Variants in IL23R observed in about 807,000 individuals in gnomAD.
IL23R encodes the protein interleukin-23 receptor.
Under a neutral mutation model 56.9 loss-of-function variants are expected in IL23R, and 34 were observed. That is an observed-to-expected ratio of 0.60 (90% CI 0.45 to 0.80). The LOEUF (loss-of-function observed/expected upper bound fraction) is 0.80. Ranked by LOEUF, IL23R falls within the 30% of genes least tolerant of loss-of-function variation. The pLI is 0.00. For synonymous variants in IL23R, 230 were observed against 249.2 expected (o/e 0.92, Z 0.73); for missense variants, 635 against 730.0 (o/e 0.87, Z 1.50).
chr1:67,197,859 C>T (rs1426624649), intron 4 of IL23R, among the ~76,000 whole-genome samples: 1 of 151,936 alleles, frequency 6.6e-6, no homozygotes, highest in Admixed American at 6.6e-5. Flanking sequence ...CCTCCTGAGC[C>T]TGGGAGGTCA....
intron 6 of IL23R, among the ~76,000 whole-genome samples, chr1:67,218,323 CATATGT>C (rs1435649744): frequency 3.7e-5 from 4 of 108,470 alleles, no homozygotes; most frequent in African/African-American, 6.8e-5. Context: ...CACATATATG[CATATGT>C]GTGTGTGTGT....
chr1:67,193,152 C>T (rs1483343663), intron 4 of IL23R, among the ~76,000 whole-genome samples: 2 of 152,206 alleles, frequency 1.3e-5, no homozygotes, highest in Non-Finnish European at 2.9e-5. Context: ...TGCTCTTCCT[C>T]CAGAGAGCCA....
intron 3 of IL23R, 128 bp from the exon 4 acceptor site, chr1:67,182,708 C>T (rs1300658620): frequency 2.5e-5 from 24 of 941,206 alleles, no homozygotes; most frequent in East Asian, 2.1e-4. Flanking sequence ...ATGAAGAAAT[C>T]GTTCGTCTTC....
At chr1:67,204,388 C>T (rs1001403558) in intron 5 of IL23R, among the ~76,000 whole-genome samples, 1 of 152,122 alleles carries the variant, frequency 6.6e-6, no homozygotes, top group Non-Finnish European at 1.5e-5. Flanking sequence ...AATAAAAATT[C>T]AACATCTGAG....
chr1:67,246,027 G>A (rs1652197778), intron 9 of IL23R, among the ~76,000 whole-genome samples: 1 of 152,066 alleles, frequency 6.6e-6, no homozygotes, highest in Non-Finnish European at 1.5e-5. Flanking sequence ...CTTCTTCCTG[G>A]TTTAGTGTTG....
At chr1:67,210,142 A>G (rs790630) in intron 6 of IL23R, among the ~76,000 whole-genome samples, 119,966 of 152,088 alleles carry the variant, frequency 0.79, 47,748 homozygotes, top group East Asian at 0.97. Context: ...TCCGAGTAAA[A>G]ATGAGTTTAA....
At chr1:67,237,075 T>A (rs1194888230) in intron 8 of IL23R, among the ~76,000 whole-genome samples, 1 of 152,220 alleles carries the variant, frequency 6.6e-6, no homozygotes, top group African/African-American at 2.4e-5. Context: ...CGAAGCCTTG[T>A]TCTGTCACCC....
At chr1:67,228,220 GTC>G (rs1650864065) in intron 7 of IL23R, among the ~76,000 whole-genome samples, 1 of 119,136 alleles carries the variant, frequency 8.4e-6, no homozygotes, top group Admixed American at 1.0e-4. Flanking sequence ...TTTAGACAGG[GTC>G]TCTCTCTGTC....
At chr1:67,181,832 T>A (rs1181507702) in intron 3 of IL23R, among the ~76,000 whole-genome samples, 1 of 152,242 alleles carries the variant, frequency 6.6e-6, no homozygotes, top group African/African-American at 2.4e-5. Flanking sequence ...CCTTTCTGTT[T>A]GTTAGTTTTC....
intron 9 of IL23R, among the ~76,000 whole-genome samples, chr1:67,254,544 C>A (rs1194684268): frequency 1.3e-5 from 2 of 150,840 alleles, no homozygotes; most frequent in East Asian, 1.9e-4. Flanking sequence ...AAAACAACAA[C>A]AAAAAAAATG....
At chr1:67,139,775 C>A (rs1282009139) in intron 1 of IL23R, among the ~76,000 whole-genome samples, 1 of 152,042 alleles carries the variant, frequency 6.6e-6, no homozygotes, top group East Asian at 1.9e-4. Context: ...ACTCCTGGAC[C>A]CAAGGCATCC....
intron 6 of IL23R, among the ~76,000 whole-genome samples, chr1:67,210,500 T>C (rs577380085): frequency 6.6e-6 from 1 of 152,016 alleles, no homozygotes; most frequent in Non-Finnish European, 1.5e-5. Context: ...TCTCACTTCA[T>C]CACCCAGGCT....
intron 4 of IL23R, among the ~76,000 whole-genome samples, chr1:67,200,200 C>T (rs1477610986): frequency 1.3e-5 from 2 of 151,914 alleles, no homozygotes; most frequent in African/African-American, 2.4e-5. Context: ...CCACCACGCC[C>T]GGCTAATTTC....
At chr1:67,229,940 A>C (rs1488451568) in intron 7 of IL23R, among the ~76,000 whole-genome samples, 1 of 152,238 alleles carries the variant, frequency 6.6e-6, no homozygotes, top group Non-Finnish European at 1.5e-5. Flanking sequence ...TCTTAAGCAG[A>C]AAGAGAATTA....
chr1:67,187,321 C>T (rs1326322228), intron 4 of IL23R, among the ~76,000 whole-genome samples: 2 of 152,128 alleles, frequency 1.3e-5, no homozygotes, highest in Admixed American at 6.5e-5. Flanking sequence ...TCTGAGGTTC[C>T]TGATAGTAAA....
chr1:67,220,867 T>A (rs563442245), intron 7 of IL23R, among the ~76,000 whole-genome samples: 1 of 152,302 alleles, frequency 6.6e-6, no homozygotes, highest in African/African-American at 2.4e-5. Context: ...GCCTCCCAAG[T>A]GGCTCAGACT....
Position 67,258,569 on chromosome 1 carries a change from A to G in IL23R, c.1331A>G (p.Glu444Gly). Reference protein sequence around the residue: ...ITEIKEIFIPEHKPTDYKKEN... With the variant: ...ITEIKEIFIPGHKPTDYKKEN... ...GAGATAAAAGAAATCTTCATCCCAG[A>G]ACACAAGCCTACAGACTACAAGAAG... Residue 444 changes from glutamate (E) to glycine (G), a missense_variant, in exon 11 of 11, where the codon GAA (glutamate) becomes GGA (glycine). Transcript: ENST00000347310. The G allele has an allele frequency of 3.1e-6, 5 of 1,612,040 alleles. No homozygotes were observed. The highest frequency in any genetic ancestry group is 4.2e-6 in the Non-Finnish European group (5 of 1,179,294).
rs1653095104 is a variant in IL23R, at chr1:67,258,876, T to C, written c.1638T>C (p.Leu546=). ...ATTCACTAAGCAACACAATATTTCT[T>C]GGAGAATTAAGCCTCATATTAAATC... ...SVNSLSNTIF[L]GELSLILNQG... The change falls in exon 11 of 11, where the codon CTT becomes CTC. Residue 546 remains leucine, a synonymous_variant. Transcript: ENST00000347310. 1.2e-6 allele frequency: 2 copies of C among 1,613,978 alleles called. No individual in the cohort carries two copies. The highest frequency in any genetic ancestry group is 1.1e-5 in the South Asian group (1 of 91,090).
chr1:67,245,667 T>C (rs1007559147), intron 9 of IL23R, among the ~76,000 whole-genome samples: 3 of 152,312 alleles, frequency 2.0e-5, no homozygotes, highest in East Asian at 3.9e-4. Context: ...GCCAGCTTGA[T>C]TGTGGTGGAT....
Sources: gnomAD v4.1 joint callset for allele counts (sites outside exome capture counted in the v4.1 genomes callset) on GRCh38, gnomAD v4.1.1 for gene constraint, MANE v1.5 for transcripts, NCBI Gene and HGNC (gene_info 2026-07-23, HGNC 2026-07-21) for gene names.